KIF26B: variants seen among roughly 807,000 people sequenced by gnomAD.
The protein encoded by KIF26B is kinesin-like protein KIF26B.
A neutral mutation model predicts 151.2 loss-of-function variants in KIF26B; 63 were observed. The observed-to-expected ratio is 0.42, with a 90% CI of 0.34 to 0.51. KIF26B has a LOEUF of 0.51. KIF26B is among the 20% of genes least tolerant of loss of function. KIF26B has a pLI of 0.07. For missense variants in KIF26B, 2,813 were observed against 2,913.6 expected (o/e 0.97, Z 0.79); for synonymous variants, 1,357 against 1,262.1 (o/e 1.08, Z -1.59).
chr1:245,471,125 G>GTA (rs1350615793), intron 4 of KIF26B, among the ~76,000 whole-genome samples: 5,931 of 144,762 alleles, frequency 0.041, 149 homozygotes, highest in South Asian at 0.1. Context: ...ATGTGTGTGT[G>GTA]TGTGTGTATA....
chr1:245,175,308 C>T (rs541316467), intron 2 of KIF26B, among the ~76,000 whole-genome samples: 42 of 152,118 alleles, frequency 2.8e-4, no homozygotes, highest in African/African-American at 9.4e-4. Flanking sequence ...GTGACATACA[C>T]ACTAGATAGC....
intron 2 of KIF26B, among the ~76,000 whole-genome samples, chr1:245,217,960 C>T (rs1669683038): frequency 6.6e-6 from 1 of 152,334 alleles, no homozygotes; most frequent in South Asian, 2.1e-4. Context: ...AATAAATGAG[C>T]TGCCTGAGAT....
chr1:245,456,016 G>C (rs2103055337), intron 4 of KIF26B, among the ~76,000 whole-genome samples: 1 of 152,184 alleles, frequency 6.6e-6, no homozygotes, highest in African/African-American at 2.4e-5. Context: ...AGGGTATAAA[G>C]AAAAAAGACA....
intron 4 of KIF26B, among the ~76,000 whole-genome samples, chr1:245,468,020 G>C (rs796332494): frequency 8.8e-5 from 13 of 147,860 alleles, no homozygotes; most frequent in African/African-American, 3.3e-4. Flanking sequence ...TGAAGCATTT[G>C]CTCTTTGATC....
intron 10 of KIF26B, among the ~76,000 whole-genome samples, chr1:245,668,697 T>A (rs1428737951): frequency 7.1e-6 from 1 of 140,562 alleles, no homozygotes; most frequent in Non-Finnish European, 1.5e-5. Flanking sequence ...TTTTCTTTTC[T>A]TTTCTTTTTT....
At chr1:245,556,249 TTCC>T (rs1272007510) in intron 5 of KIF26B, among the ~76,000 whole-genome samples, 1 of 135,916 alleles carries the variant, frequency 7.4e-6, no homozygotes, top group African/African-American at 2.6e-5. Context: ...TTCCTCCTTC[TTCC>T]TCCTTCCTCC....
At chr1:245,330,309 G>A (rs1048936305) in intron 2 of KIF26B, among the ~76,000 whole-genome samples, 2 of 141,920 alleles carry the variant, frequency 1.4e-5, no homozygotes, top group African/African-American at 5.3e-5. Context: ...GTGAGGGGCA[G>A]TCACATGGCC....
intron 2 of KIF26B, among the ~76,000 whole-genome samples, chr1:245,327,560 C>T (rs1165398250): frequency 4.6e-5 from 7 of 152,176 alleles, no homozygotes; most frequent in African/African-American, 1.7e-4. Context: ...TCCATGAGTC[C>T]TGACTCCCCT....
chr1:245,674,966 T>C (rs1452893770), intron 10 of KIF26B, among the ~76,000 whole-genome samples: 1 of 152,168 alleles, frequency 6.6e-6, no homozygotes, highest in Non-Finnish European at 1.5e-5. Flanking sequence ...GTGTGACAAC[T>C]GCATGTTTGG....
chr1:245,553,255 T>A (rs1661936437), intron 5 of KIF26B, among the ~76,000 whole-genome samples: 1 of 152,212 alleles, frequency 6.6e-6, no homozygotes, highest in African/African-American at 2.4e-5. Context: ...TGGTCTGTGG[T>A]GGAGCTGGCC....
intron 4 of KIF26B, among the ~76,000 whole-genome samples, chr1:245,440,067 A>G (rs1431790248): frequency 1.3e-5 from 2 of 152,146 alleles, no homozygotes; most frequent in Non-Finnish European, 2.9e-5. Flanking sequence ...TAAAAATACA[A>G]AAAATTAGCC....
chr1:245,222,383 G>A (rs1218729097), intron 2 of KIF26B, among the ~76,000 whole-genome samples: 4 of 152,164 alleles, frequency 2.6e-5, no homozygotes, highest in African/African-American at 9.7e-5. Flanking sequence ...GTTGCAGTGT[G>A]TCGAGATCGT....
chr1:245,388,048 T>A (rs186476807), intron 3 of KIF26B, among the ~76,000 whole-genome samples: 1 of 152,284 alleles, frequency 6.6e-6, no homozygotes, highest in East Asian at 1.9e-4. Flanking sequence ...AGTTGCGACC[T>A]CTCTCCCTGG....
At chr1:245,225,291 A>G (rs1669851145) in intron 2 of KIF26B, among the ~76,000 whole-genome samples, 1 of 152,192 alleles carries the variant, frequency 6.6e-6, no homozygotes. Context: ...ACCAAGGAGA[A>G]GGGTCCTGGG....
At chr1:245,648,161 G>A (rs1368716998) in intron 10 of KIF26B, among the ~76,000 whole-genome samples, 1 of 152,174 alleles carries the variant, frequency 6.6e-6, no homozygotes, top group Non-Finnish European at 1.5e-5. Flanking sequence ...TTAGCAGGAG[G>A]TCATTGATTA....
intron 2 of KIF26B, among the ~76,000 whole-genome samples, chr1:245,299,427 C>T (rs1553342399): frequency 6.6e-6 from 1 of 150,382 alleles, no homozygotes; most frequent in Non-Finnish European, 1.5e-5. Flanking sequence ...ACCCAGCTGA[C>T]CTTCTACTAT....
At position 245,376,411 on chromosome 1, in the gene KIF26B, A is replaced by T. The variant is rs1572031352; in HGVS notation, c.999+9044A>T. The stretch of plus-strand genomic sequence containing the variant: ...TCAATTTTGGCTTCACACTAGAATT[A>T]CTTGGGAGATTAAAAAAAAAAATCC... On this transcript the variant is annotated intron_variant, in intron 3 of 14. Coordinates refer to ENST00000407071, the MANE Select transcript of KIF26B (RefSeq NM_018012.4). 4.7e-5 allele frequency among the ~76,000 whole-genome samples: 7 copies of T among 150,142 alleles called. No individual in the cohort carries two copies. In the South Asian group the frequency reaches 1.5e-3, roughly 32 times the overall value.
At chr1:245,432,840 G>C (rs1658813522) in intron 4 of KIF26B, among the ~76,000 whole-genome samples, 3 of 152,226 alleles carry the variant, frequency 2.0e-5, no homozygotes, top group African/African-American at 7.2e-5. Flanking sequence ...AGGAATGTAA[G>C]GGGGACTGCC....
intron 4 of KIF26B, among the ~76,000 whole-genome samples, chr1:245,506,169 G>A (rs569580904): frequency 2.6e-5 from 4 of 152,138 alleles, no homozygotes; most frequent in Non-Finnish European, 5.9e-5. Flanking sequence ...TCTGTCTCTC[G>A]GGTATATTAA....
Sources: allele counts gnomAD v4.1 joint callset (sites outside exome capture counted in the v4.1 genomes callset), GRCh38; gene constraint gnomAD v4.1.1; transcripts MANE v1.5; gene names NCBI Gene and HGNC (gene_info 2026-07-23, HGNC 2026-07-21).